The following GSTCD variants were observed in gnomAD, a reference collection of about 807,000 sequenced individuals.
GSTCD encodes glutathione S-transferase C-terminal domain containing.
In GSTCD, 44 loss-of-function variants were observed where a neutral mutation model predicts 68.3. The observed-to-expected ratio is 0.64, with a 90% CI of 0.51 to 0.83. The LOEUF (loss-of-function observed/expected upper bound fraction) is 0.83, where lower values mean the gene tolerates loss of function less well. GSTCD is among the 40% of genes least tolerant of loss of function. The probability of loss-of-function intolerance (pLI) is 0.00; values close to 1 mark genes in which losing one functional copy is unlikely to be tolerated. For missense variants in GSTCD, 739 were observed against 735.9 expected (o/e 1.00, Z -0.05); for synonymous variants, 273 against 255.2 (o/e 1.07, Z -0.67).
intron 5 of GSTCD, among the ~76,000 whole-genome samples, chr4:105,785,701 G>A (rs1204418318): frequency 2.0e-5 from 3 of 151,766 alleles, no homozygotes; most frequent in African/African-American, 7.3e-5. Flanking sequence ...AAGGCTAAAT[G>A]TATTCTCCCT....
At position 105,729,459 on chromosome 4, in the gene GSTCD, T is replaced by G; in HGVS notation, c.1200T>G (p.Leu400=). The G allele has an allele frequency of 1.2e-6, 2 of 1,612,354 alleles. No individual in the cohort carries two copies. Among genetic ancestry groups the G allele is most frequent in the Non-Finnish European group, 1.7e-6 (2 of 1,178,950 alleles). The change falls in exon 5 of 12, where the codon CTT becomes CTG. Residue 400 remains leucine, a synonymous_variant. Transcript: ENST00000515279. The stretch of plus-strand genomic sequence containing the variant: ...CCCACCCTTGCCCTACTTGGACTCT[T>G]GATTGGAATGTTCTCCCTGCAGCAG... ...FSPHPCPTWT[L]DWNVLPAAVS...
intron 8 of GSTCD, 94 bp from the exon 9 acceptor site, chr4:105,834,367 T>A (rs1265345995): frequency 1.7e-6 from 2 of 1,175,598 alleles, no homozygotes; most frequent in African/African-American, 3.1e-5. Context: ...AAGTGGTCCT[T>A]TGGTATGGCC....
At chr4:105,789,068 T>C (rs1735568741) in intron 5 of GSTCD, among the ~76,000 whole-genome samples, 1 of 152,180 alleles carries the variant, frequency 6.6e-6, no homozygotes, top group Non-Finnish European at 1.5e-5. Context: ...ATTTTTGAAC[T>C]GTGAATTTTA....
chr4:105,785,466 AC>A (rs1735430814), intron 5 of GSTCD, among the ~76,000 whole-genome samples: 1 of 152,188 alleles, frequency 6.6e-6, no homozygotes, highest in African/African-American at 2.4e-5. Flanking sequence ...CAGGGCAACA[AC>A]CACATTTATT....
intron 5 of GSTCD, among the ~76,000 whole-genome samples, chr4:105,750,125 A>G (rs1230923089): frequency 6.6e-6 from 1 of 152,214 alleles, no homozygotes; most frequent in East Asian, 1.9e-4. Context: ...TTAAACTATA[A>G]TGAGATATTA....
intron 8 of GSTCD, among the ~76,000 whole-genome samples, chr4:105,832,044 C>G (rs1723918580): frequency 6.6e-6 from 1 of 152,182 alleles, no homozygotes; most frequent in African/African-American, 2.4e-5. Flanking sequence ...TCCCATTCCC[C>G]TTGGTTGTGC....
chr4:105,712,606 AG>A (rs1237232876), intron 1 of GSTCD: 1 of 152,230 alleles, frequency 6.6e-6, no homozygotes, highest in Non-Finnish European at 1.5e-5. Context: ...TTTTATGGAA[AG>A]TGGAGGAAAA....
Position 105,830,561 on chromosome 4 carries a change from T to G in GSTCD, c.1531-3900T>G, listed in dbSNP as rs114254758. 9.6e-3 allele frequency among the ~76,000 whole-genome samples: 1,449 copies of G among 151,440 alleles called. 16 individuals are homozygous for G. Among genetic ancestry groups the G allele is most frequent in the Admixed American group, 0.029 (446 of 15,204 alleles). On this transcript the variant is annotated intron_variant, in intron 8 of 11. Coordinates refer to ENST00000515279, the MANE Select transcript of GSTCD (RefSeq NM_001370181.1). ...GTGGTATCCAATACAAGAGAAAAAT[T>G]TTTAGTATCATGGGAGAGGGAAGTC...
At chr4:105,737,408 A>G (rs1220147471) in intron 5 of GSTCD, among the ~76,000 whole-genome samples, 2 of 152,140 alleles carry the variant, frequency 1.3e-5, no homozygotes, top group African/African-American at 4.8e-5. Context: ...ATAGTTTGCA[A>G]ATATTTTTTC....
chr4:105,733,215 G>T (rs924925990), intron 5 of GSTCD, among the ~76,000 whole-genome samples: 3 of 152,036 alleles, frequency 2.0e-5, no homozygotes, highest in Admixed American at 2.0e-4. Context: ...TGCTTGGTGT[G>T]GAGCTGAGTT....
At chr4:105,788,069 T>G (rs1455793384) in intron 5 of GSTCD, among the ~76,000 whole-genome samples, 2 of 152,056 alleles carry the variant, frequency 1.3e-5, no homozygotes, top group Non-Finnish European at 1.5e-5. Context: ...GTTATTTAGT[T>G]TCATGATTTC....
intron 5 of GSTCD, among the ~76,000 whole-genome samples, chr4:105,805,166 A>C (rs1435362221): frequency 6.6e-6 from 1 of 152,152 alleles, no homozygotes; most frequent in African/African-American, 2.4e-5. Flanking sequence ...TCTGAAACCC[A>C]TATGGAATAT....
intron 5 of GSTCD, among the ~76,000 whole-genome samples, chr4:105,748,535 C>T (rs1022316225): frequency 6.6e-6 from 1 of 151,968 alleles, no homozygotes; most frequent in Non-Finnish European, 1.5e-5. Context: ...TTTATTTAAA[C>T]TTATTTTTAA....
chr4:105,838,391 G>T (rs978606207), intron 10 of GSTCD, among the ~76,000 whole-genome samples: 1 of 152,190 alleles, frequency 6.6e-6, no homozygotes, highest in Non-Finnish European at 1.5e-5. Flanking sequence ...TTTGTAAAAG[G>T]TCAGATAGTA....
chr4:105,817,493 G>T (rs1723055998), intron 5 of GSTCD, among the ~76,000 whole-genome samples: 1 of 151,846 alleles, frequency 6.6e-6, no homozygotes, highest in African/African-American at 2.4e-5. Flanking sequence ...GTGAATGGGG[G>T]AGAGTATCAG....
At chr4:105,757,972 C>A (rs1734256274) in intron 5 of GSTCD, among the ~76,000 whole-genome samples, 1 of 152,128 alleles carries the variant, frequency 6.6e-6, no homozygotes, top group Admixed American at 6.6e-5. Flanking sequence ...ACTATACTAT[C>A]TTTTTATTAT....
chr4:105,758,431 C>A (rs1026954980), intron 5 of GSTCD, among the ~76,000 whole-genome samples: 1 of 152,106 alleles, frequency 6.6e-6, no homozygotes, highest in East Asian at 1.9e-4. Context: ...TGAGTTCTCA[C>A]GAGATATGGT....
chr4:105,725,621 A>G (rs2149209605), intron 3 of GSTCD, among the ~76,000 whole-genome samples: 1 of 152,022 alleles, frequency 6.6e-6, no homozygotes, highest in South Asian at 2.1e-4. Context: ...CCATCTGTGT[A>G]TCTTTTTTGG....
chr4:105,744,513 T>C (rs1326729049), intron 5 of GSTCD, among the ~76,000 whole-genome samples: 1 of 152,218 alleles, frequency 6.6e-6, no homozygotes, highest in East Asian at 1.9e-4. Flanking sequence ...CTCTTTTTAT[T>C]TCTTTATTTA....
Sources: gnomAD v4.1 joint callset for allele counts (sites outside exome capture counted in the v4.1 genomes callset) on GRCh38, gnomAD v4.1.1 for gene constraint, MANE v1.5 for transcripts, NCBI Gene and HGNC (gene_info 2026-07-23, HGNC 2026-07-21) for gene names.